NLE1: variants seen among roughly 807,000 people sequenced by gnomAD.
NLE1 encodes notchless homolog 1, also known as notchless protein homolog 1.
NLE1 carries 37 observed loss-of-function variants against 62.8 expected under a neutral mutation model. The observed-to-expected ratio is 0.59, with a 90% CI of 0.45 to 0.78. The LOEUF (loss-of-function observed/expected upper bound fraction) is 0.78, where lower values mean the gene tolerates loss of function less well. Among genes scored for constraint, NLE1 ranks in the 30% least tolerant of loss-of-function variants. The pLI, the probability that NLE1 is intolerant of heterozygous loss-of-function variation, is 0.00. For synonymous variants in NLE1, 243 were observed against 253.0 expected (o/e 0.96, Z 0.37); for missense variants, 555 against 637.9 (o/e 0.87, Z 1.40).
In NLE1 at chr17:35,131,443, G is replaced by C. The variant is rs1209717892; in HGVS notation, c.*994C>G. ...TTAGCATGGGATGCAGGAGAAAGCA[G>C]AGGCAGGGTACATTCAGGGCAAGAT... On this transcript the variant is annotated 3_prime_UTR_variant, in exon 13 of 13. Transcript: ENST00000442241. The C allele has an allele frequency of 6.6e-6, 1 of 152,268 alleles. No individual in the cohort carries two copies. The highest frequency in any genetic ancestry group is 1.5e-5 in the Non-Finnish European group (1 of 68,072). 9.4% of individuals were successfully genotyped at this position (152,268 alleles called of 1,614,324 possible).
At chr17:35,136,631 G>A (rs928356607) in intron 7 of NLE1, 134 bp from the exon 8 acceptor site, 4 of 1,147,128 alleles carry the variant, frequency 3.5e-6, no homozygotes, top group Admixed American at 2.7e-5. Context: ...CTACCCCTCT[G>A]GGGTCAAGTC....
At chr17:35,135,660 G>C (rs922513157) in intron 9 of NLE1, among the ~76,000 whole-genome samples, 1 of 152,122 alleles carries the variant, frequency 6.6e-6, no homozygotes, top group African/African-American at 2.4e-5. Context: ...AACTCTACAT[G>C]CATGTAGAAA....
In NLE1 at chr17:35,130,520, A is replaced by T. The variant is rs559745331; in HGVS notation, c.*1917T>A. ...CCAGAGCCATGAGACCTACCATACC[A>T]CCAGCACCCTGCGGGCCCGGGGTCT... On this transcript the variant is annotated 3_prime_UTR_variant, in exon 13 of 13. Coordinates refer to ENST00000442241, the MANE Select transcript of NLE1 (RefSeq NM_018096.5). The T allele has an allele frequency of 2.2e-5, 31 of 1,402,582 alleles. No individual in the cohort carries two copies. In the East Asian group the frequency reaches 6.7e-4, roughly 30 times the overall value. 86.9% of individuals were successfully genotyped at this position (1,402,582 alleles called of 1,614,324 possible).
chr17:35,142,139 G>A lies in NLE1; in HGVS notation c.19-17C>T, dbSNP rs1444770625. 6.2e-7 allele frequency: 1 copy of A among 1,609,640 alleles called. No homozygotes were observed. Among genetic ancestry groups the A allele is most frequent in the Non-Finnish European group, 8.5e-7 (1 of 1,178,786 alleles). ...CGCCTCGTCCTGCGCGAGCAAGTGG[G>A]GCGGGAGTCAGTCTGGTCGCCCGCC... On this transcript the variant is annotated splice_polypyrimidine_tract_variant and intron_variant, in intron 1 of 12. Coordinates refer to ENST00000442241, the MANE Select transcript of NLE1 (RefSeq NM_018096.5).
chr17:35,136,550 G>C (rs2091910158), intron 7 of NLE1, 53 bp from the exon 8 acceptor site: 1 of 1,568,994 alleles, frequency 6.4e-7, no homozygotes, highest in African/African-American at 1.4e-5. Context: ...ACGCCTGGGC[G>C]ATTAGCCCCA....
intron 7 of NLE1, 83 bp downstream of exon 7, chr17:35,136,918 G>T: frequency 7.8e-7 from 1 of 1,287,518 alleles, no homozygotes; most frequent in South Asian, 1.4e-5. Context: ...CACTGGACTC[G>T]CTGATGTCAA....
At chr17:35,134,859 C>G (rs979613205) in intron 10 of NLE1, 4 of 361,326 alleles carry the variant, frequency 1.1e-5, no homozygotes, top group African/African-American at 6.4e-5. Flanking sequence ...CAAGACCAGC[C>G]TAGTCAACAT....
At chr17:35,134,513 C>T (rs2091897172) in intron 10 of NLE1, among the ~76,000 whole-genome samples, 1 of 152,100 alleles carries the variant, frequency 6.6e-6, no homozygotes, top group South Asian at 2.1e-4. Context: ...GATTCTCCTG[C>T]CTCAGCCTCC....
rs1273684041 is a variant in NLE1, at chr17:35,130,571, C to A, written c.*1866G>T. 4 of 930,618 alleles carry A rather than the reference C, an allele frequency of 4.3e-6. No individual in the cohort carries two copies. The African/African-American group carries it at 5.0e-5, about 12-fold the overall frequency. 57.6% of individuals were successfully genotyped at this position (930,618 alleles called of 1,614,324 possible). A position where few individuals can be genotyped will look rare whatever the true frequency, so the allele number is the denominator to read the frequency against. ...GGCAGAGTGGTATGGGCACCCCACC[C>A]CTGGGCTGGGGCCAAGGCTACATAG... On this transcript the variant is annotated 3_prime_UTR_variant, in exon 13 of 13. Transcript: ENST00000442241.
intron 12 of NLE1, 31 bp from the exon 13 acceptor site, chr17:35,132,480 G>A: frequency 7.3e-7 from 1 of 1,366,458 alleles, no homozygotes; most frequent in Non-Finnish European, 9.5e-7. Flanking sequence ...TCAGGATGGG[G>A]ATTCCACCTT....
Position 35,129,302 on chromosome 17 carries a change from G to T in NLE1, c.*3135C>A. ...GTACCTTGCACCTTCCATCTGACCT[G>T]CCTGGGCCCCAGCAGGAGCAGGGGA... is the stretch of plus-strand genomic sequence containing the variant. On this transcript the variant is annotated 3_prime_UTR_variant, in exon 13 of 13. Transcript: ENST00000442241. The T allele has an allele frequency of 7.5e-7, 1 of 1,340,026 alleles. No individual in the cohort carries two copies. Among genetic ancestry groups the T allele is most frequent in the Non-Finnish European group, 1.0e-6 (1 of 969,348 alleles). The allele number at this position is 1,340,026 out of a possible 1,614,324, so 83.0% of individuals were successfully genotyped here.
Position 35,137,831 on chromosome 17 carries a change from C to T in NLE1, c.520G>A (p.Gly174Ser), listed in dbSNP as rs143760912. ...WSPDGRKLAS[G>S]CKNGQILLWD... ...CTACCTACCTGGCCATTCTTGCAGC[C>T]TGAGGCCAGCTTCCTGCCATCTGGA... The change falls in exon 5 of 13, where the codon GGC (glycine) becomes AGC (serine). Residue 174 changes from glycine (G) to serine (S), a missense_variant. Transcript: ENST00000442241. 10 of 1,613,580 alleles carry T rather than the reference C, an allele frequency of 6.2e-6. No homozygotes were observed. In the African/African-American group the frequency reaches 9.3e-5, roughly 15 times the overall value.
intron 2 of NLE1, among the ~76,000 whole-genome samples, chr17:35,141,497 G>A (rs1271355954): frequency 7.1e-6 from 1 of 140,562 alleles, no homozygotes; most frequent in African/African-American, 2.8e-5. Context: ...AGTGAGCAGA[G>A]ATCACGCCAC....
rs2091912896 is a variant in NLE1, at chr17:35,136,985, C to T, written c.828+16G>A. ...GCGATTTTCTGGACTGGTTTCTGAA[C>T]CCTCCCAGCACTTACGTCATGAGCT... is the stretch of plus-strand genomic sequence containing the variant. On this transcript the variant is annotated intron_variant, in intron 7 of 12. Transcript: ENST00000442241. 22 of 1,568,666 alleles carry T rather than the reference C, an allele frequency of 1.4e-5. No individual in the cohort carries two copies. The highest frequency in any genetic ancestry group is 1.8e-5 in the Non-Finnish European group (21 of 1,150,760).
chr17:35,142,278 TGCGTCCCC>T lies in NLE1; in HGVS notation c.-11_-4del, dbSNP rs1275113326. 1.7e-5 allele frequency: 26 copies of T among 1,541,376 alleles called. No individual in the cohort carries two copies. Among genetic ancestry groups the T allele is most frequent in the Non-Finnish European group, 2.1e-5 (24 of 1,146,586 alleles). ...CCCACCGGCACTGCTGCCGCCATCC[TGCGTCCCC>T]ACGTGGAGGAGAAAGAGCCCGGCAG... On this transcript the variant is annotated 5_prime_UTR_variant, in exon 1 of 13. Coordinates refer to ENST00000442241, the MANE Select transcript of NLE1 (RefSeq NM_018096.5).
chr17:35,136,152 G>T lies in NLE1; in HGVS notation c.1011+17C>A. Reference sequence around the variant, plus strand: ...CTGGTACAGAGCTAGGGGTGCACGTGGCTGGCACACACTCACCCGCACGAG... The same window carrying T: ...CTGGTACAGAGCTAGGGGTGCACGTTGCTGGCACACACTCACCCGCACGAG... On this transcript the variant is annotated intron_variant, in intron 9 of 12. Coordinates refer to ENST00000442241, the MANE Select transcript of NLE1 (RefSeq NM_018096.5). 1.2e-6 allele frequency: 2 copies of T among 1,613,984 alleles called. No individual in the cohort carries two copies. Among genetic ancestry groups the T allele is most frequent in the Non-Finnish European group, 1.7e-6 (2 of 1,179,872 alleles).
intron 8 of NLE1, 54 bp downstream of exon 8, chr17:35,136,308 G>C: frequency 6.2e-7 from 1 of 1,609,206 alleles, no homozygotes; most frequent in Non-Finnish European, 8.5e-7. Context: ...CATTAAGCTT[G>C]AGAACTGGCT....
At chr17:35,134,889 TA>T (rs746986241) in intron 10 of NLE1, 2 of 372,972 alleles carry the variant, frequency 5.4e-6, no homozygotes, top group South Asian at 4.0e-5. Flanking sequence ...CCGTCTCAAC[TA>T]AAAATACAAA....
intron 10 of NLE1, 50 bp downstream of exon 10, chr17:35,135,199 C>G (rs1288210995): frequency 6.4e-7 from 1 of 1,574,520 alleles, no homozygotes; most frequent in Admixed American, 1.7e-5. Flanking sequence ...AGTGCCAAGC[C>G]CCTCCCACCA....
Sources: allele counts gnomAD v4.1 joint callset (sites outside exome capture counted in the v4.1 genomes callset), GRCh38; gene constraint gnomAD v4.1.1; transcripts MANE v1.5; gene names NCBI Gene and HGNC (gene_info 2026-07-23, HGNC 2026-07-21).